The following ACAN variants were observed in gnomAD, a reference collection of about 807,000 sequenced individuals.
ACAN encodes the protein aggrecan core protein.
A neutral mutation model predicts 169.1 loss-of-function variants in ACAN; 47 were observed. The ratio of observed to expected loss-of-function variants is 0.28; its 90% CI spans 0.22 to 0.35. ACAN has a LOEUF of 0.35. ACAN is among the 10% of genes least tolerant of loss of function. ACAN has a pLI of 1.00. For missense variants in ACAN, 2,716 were observed against 2,759.9 expected, an observed-to-expected ratio of 0.98 and a Z score of 0.36; for synonymous variants, 1,115 against 1,112.2, an observed-to-expected ratio of 1.00 and a Z score of -0.05.
intron 1 of ACAN, among the ~76,000 whole-genome samples, chr15:88,819,799 C>T (rs796187304): frequency 5.9e-5 from 9 of 152,084 alleles, no homozygotes; most frequent in African/African-American, 2.2e-4. Flanking sequence ...AAAAATTAAT[C>T]TGGGGGCACA....
chr15:88,853,747 TAGATAG>T (rs1896982931), intron 11 of ACAN, among the ~76,000 whole-genome samples: 1 of 127,070 alleles, frequency 7.9e-6, no homozygotes, highest in Non-Finnish European at 1.7e-5. Flanking sequence ...GATAGATAGA[TAGATAG>T]ATACATACAT....
chr15:88,849,985 A>T lies in ACAN; in HGVS notation c.2026+254A>T, dbSNP rs1364797421. The T allele has an allele frequency of 6.4e-6, 4 of 620,282 alleles. No individual in the cohort carries two copies. The highest frequency in any genetic ancestry group is 1.2e-5 in the Non-Finnish European group (4 of 347,282). 38.4% of individuals were successfully genotyped at this position (620,282 alleles called of 1,614,324 possible). On this transcript the variant is annotated intron_variant, in intron 10 of 18. Coordinates refer to ENST00000560601, the MANE Select transcript of ACAN (RefSeq NM_001369268.1). This position sits in a 1 kb window ranked among gnomAD's most constrained non-coding sequence, Gnocchi z 5.1. Reference sequence around the variant, plus strand: ...TGGTATTTATGTCTACTAGAAATGAAGCAGACCTGAATTTGAGTTATGGCT... The same window carrying T: ...TGGTATTTATGTCTACTAGAAATGATGCAGACCTGAATTTGAGTTATGGCT...
chr15:88,862,614 T>G (rs1897217115), intron 13 of ACAN, among the ~76,000 whole-genome samples: 1 of 152,138 alleles, frequency 6.6e-6, no homozygotes. Context: ...AAGGTTCAAG[T>G]GCTTCCAGAA....
chr15:88,845,912 G>C (rs1392904999), intron 7 of ACAN, 30 bp downstream of exon 7: 4 of 1,439,794 alleles, frequency 2.8e-6, no homozygotes, highest in Non-Finnish European at 3.7e-6. Flanking sequence ...TGCATCCAGG[G>C]GCAGGTGGAG....
chr15:88,867,996 A>G (rs1897307099), intron 13 of ACAN, among the ~76,000 whole-genome samples: 1 of 152,200 alleles, frequency 6.6e-6, no homozygotes, highest in African/African-American at 2.4e-5. Context: ...ACCAATCAAG[A>G]ATCACACACG....
chr15:88,818,853 A>G (rs1896005722), intron 1 of ACAN, among the ~76,000 whole-genome samples: 1 of 152,264 alleles, frequency 6.6e-6, no homozygotes. Flanking sequence ...GTTGCATAAC[A>G]ATGTGAATAC....
intron 1 of ACAN, among the ~76,000 whole-genome samples, chr15:88,812,861 C>G (rs1413234620): frequency 3.3e-5 from 5 of 152,108 alleles, no homozygotes; most frequent in African/African-American, 1.2e-4. Flanking sequence ...GAGGTCATGG[C>G]CAGTTTCTCC....
rs184322992 is a variant in ACAN, at chr15:88,869,524, C to A, written c.7060+1195C>A. ...AAGAAATTGGTATATGGGGTCTTGG[C>A]TGGGGTGGAAGCAGAGACTACAAGG... On this transcript the variant is annotated intron_variant, in intron 14 of 18. Transcript: ENST00000560601. This position sits in a 1 kb window ranked among gnomAD's most constrained non-coding sequence, Gnocchi z 4.2. 6.6e-6 allele frequency among the ~76,000 whole-genome samples: 1 copy of A among 152,196 alleles called. No individual in the cohort carries two copies. Among genetic ancestry groups the A allele is most frequent in the Non-Finnish European group, 1.5e-5 (1 of 68,036 alleles).
Position 88,836,184 on chromosome 15 carries a change from G to A in ACAN, c.-7-16G>A. 2 of 1,603,660 alleles carry A rather than the reference G, an allele frequency of 1.2e-6. No homozygotes were observed. Among genetic ancestry groups the A allele is most frequent in the South Asian group, 1.1e-5 (1 of 90,544 alleles). On this transcript the variant is annotated splice_polypyrimidine_tract_variant and intron_variant, in intron 1 of 18. Transcript: ENST00000560601. ...CCTTCACTGTCTAAATAACGCCTCT[G>A]CCTCCCCTCTTCCAGGTGAACTATG...
rs368840579 is a variant in ACAN, at chr15:88,858,615, C to T, written c.6030C>T (p.Ser2010=). The T allele has an allele frequency of 2.7e-5, 43 of 1,613,838 alleles. No homozygotes were observed. The highest frequency in any genetic ancestry group is 3.6e-5 in the Non-Finnish European group (42 of 1,179,900). ...CATATTTTAGTGGGGATTTTGCCAG[C>T]ACCACCAATGTAAGTGGAGAATCCT... ...GTPYFSGDFA[S]TTNVSGESSV... is the part of the protein sequence containing the mutation. The change falls in exon 12 of 19, where the codon AGC becomes AGT. Residue 2010 remains serine (S), a synonymous_variant. Coordinates refer to ENST00000560601, the MANE Select transcript of ACAN (RefSeq NM_001369268.1). The surrounding 1 kb of genome is among the most constrained non-coding windows in gnomAD (Gnocchi z 4.0).
Position 88,854,899 on chromosome 15 carries a change from A to G in ACAN, c.2314A>G (p.Thr772Ala). 6.4e-7 allele frequency: 1 copy of G among 1,561,094 alleles called. No homozygotes were observed. The highest frequency in any genetic ancestry group is 8.6e-7 in the Non-Finnish European group (1 of 1,159,290). The change falls in exon 12 of 19, where the codon ACA (threonine) becomes GCA (alanine). Residue 772 changes from threonine (T) to alanine (A), a missense_variant. Around this residue, in one of 3 missense-constraint regions of ACAN, gnomAD observed 1,283 missense variants for 1,281.5 expected, o/e 1.00. Coordinates refer to ENST00000560601, the MANE Select transcript of ACAN (RefSeq NM_001369268.1). ...PPTGAATEESTEGPSATEVPS... is the reference protein window; with the variant it reads ...PPTGAATEESAEGPSATEVPS... ...CACTGGCGCAGCAACAGAGGAAAGTACAGAAGGCCCTTCTGCAACTGAAGT... is the reference window on the plus strand; with the variant it reads ...CACTGGCGCAGCAACAGAGGAAAGTGCAGAAGGCCCTTCTGCAACTGAAGT...
rs1292339739 is a variant in ACAN at position 88,860,385 on chromosome 15, G to A, written c.6892G>A (p.Gly2298Arg). 1 of 1,613,644 alleles carries A rather than the reference G, an allele frequency of 6.2e-7. No homozygotes were observed. The highest frequency in any genetic ancestry group is 2.2e-5 in the East Asian group (1 of 44,856). The change falls in exon 13 of 19, where the codon GGA becomes AGA. Residue 2298 changes from glycine to arginine, a missense_variant. Physicochemically the swap from Gly to Arg is moderately radical, Grantham distance 125. Transcript: ENST00000560601. ...AGCTGGGACCTGCAAGGAGACAGAG[G>A]GACACGTCATATGCCTGTGCCCCCC... ...CGAGTCKETE[G>R]HVICLCPPGY...
chr15:88,849,818 C>G lies in ACAN; in HGVS notation c.2026+87C>G. 6.6e-7 allele frequency: 1 copy of G among 1,513,242 alleles called. No individual in the cohort carries two copies. The highest frequency in any genetic ancestry group is 9.0e-7 in the Non-Finnish European group (1 of 1,111,202). 93.7% of individuals were successfully genotyped at this position (1,513,242 alleles called of 1,614,324 possible). A position where few individuals can be genotyped will look rare whatever the true frequency, so the allele number is the denominator to read the frequency against. On this transcript the variant is annotated intron_variant, in intron 10 of 18. Transcript: ENST00000560601. This position sits in a 1 kb window ranked among gnomAD's most constrained non-coding sequence, Gnocchi z 5.1. ...ACCGGATCCTGCCACCACCCAGTAT[C>G]CCATCCATCAGAGCAAGAAAATGTC...
At chr15:88,812,747 C>T (rs1383469973) in intron 1 of ACAN, among the ~76,000 whole-genome samples, 2 of 152,216 alleles carry the variant, frequency 1.3e-5, no homozygotes, top group East Asian at 3.9e-4. Context: ...TTTTCTTTAA[C>T]TTATCATTAT....
At chr15:88,829,562 C>G in intron 1 of ACAN, among the ~76,000 whole-genome samples, 1 of 152,282 alleles carries the variant, frequency 6.6e-6, no homozygotes, top group Admixed American at 6.5e-5. Context: ...TGCGTTTATG[C>G]ACAGCTATCA....
In ACAN at chr15:88,851,545, C is replaced by T. The variant is rs376013529; in HGVS notation, c.2027-249C>T. The stretch of plus-strand genomic sequence containing the variant: ...ATACACAAGGCTTTAGAGCAATGCC[C>T]GGCATATATGGTCAATTCTGCAGGG... On this transcript the variant is annotated intron_variant, in intron 10 of 18. Coordinates refer to ENST00000560601, the MANE Select transcript of ACAN (RefSeq NM_001369268.1). This position sits in a 1 kb window ranked among gnomAD's most constrained non-coding sequence, Gnocchi z 4.3. 1.1e-4 allele frequency: 51 copies of T among 451,776 alleles called. No homozygotes were observed. Among genetic ancestry groups the T allele is most frequent in the East Asian group, 4.5e-4 (13 of 29,036 alleles). The allele number at this position is 451,776 out of a possible 1,614,324, so 28.0% of individuals were successfully genotyped here. A position where few individuals can be genotyped will look rare whatever the true frequency, so the allele number is the denominator to read the frequency against.
At chr15:88,846,363 A>G (rs1020317689) in intron 7 of ACAN, among the ~76,000 whole-genome samples, 19 of 152,246 alleles carry the variant, frequency 1.2e-4, no homozygotes, top group African/African-American at 4.6e-4. Flanking sequence ...CCATGACTTA[A>G]GAATGATTTT....
Position 88,847,405 on chromosome 15 carries a change from A to G in ACAN, c.1592A>G (p.Asp531Gly), listed in dbSNP as rs965946120. Residue 531 changes from aspartate (D) to glycine (G), a missense_variant, in exon 8 of 19, where the codon GAC (aspartate) becomes GGC (glycine). Asp to Gly is a moderately conservative substitution (Grantham distance 94). Around this residue, in one of 3 missense-constraint regions of ACAN, gnomAD observed 1,283 missense variants for 1,281.5 expected, o/e 1.00. Coordinates refer to ENST00000560601, the MANE Select transcript of ACAN (RefSeq NM_001369268.1). ...CAGTGTGACGCCGGCTGGCTGCGGGACCAGACCGTCAGGTGAAGCCATGCT... is the reference window on the plus strand; with the variant it reads ...CAGTGTGACGCCGGCTGGCTGCGGGGCCAGACCGTCAGGTGAAGCCATGCT... ...YEQCDAGWLR[D>G]QTVRYPIVSP... 6.3e-7 allele frequency: 1 copy of G among 1,576,682 alleles called. No individual in the cohort carries two copies.
In ACAN at chr15:88,873,791, T is replaced by C; in HGVS notation, c.7448-51T>C. 1 of 1,578,720 alleles carries C rather than the reference T, an allele frequency of 6.3e-7. No individual in the cohort carries two copies. The highest frequency in any genetic ancestry group is 8.7e-7 in the Non-Finnish European group (1 of 1,155,824). ...TGCCTCGGGTCACAACCAGCATAGG[T>C]CATCCCAGGAGACCCTATGAGACCC... On this transcript the variant is annotated intron_variant, in intron 17 of 18. Coordinates refer to ENST00000560601, the MANE Select transcript of ACAN (RefSeq NM_001369268.1). This position sits in a 1 kb window ranked among gnomAD's most constrained non-coding sequence, Gnocchi z 7.5.
Sources: allele counts gnomAD v4.1 joint callset (sites outside exome capture counted in the v4.1 genomes callset), GRCh38; gene constraint gnomAD v4.1.1; regional missense constraint gnomAD v4.1.1; non-coding constraint Gnocchi (gnomAD v3.1); transcripts MANE v1.5; gene names NCBI Gene and HGNC (gene_info 2026-07-23, HGNC 2026-07-21).